Variants in IRAG2 observed in about 807,000 individuals in gnomAD.
The protein encoded by IRAG2 is inositol 1,4,5-triphosphate receptor associated 2, also known as lymphoid restricted membrane protein.
In IRAG2, 45 loss-of-function variants were observed where a neutral mutation model predicts 69.9. The ratio of observed to expected loss-of-function variants is 0.64; its 90% confidence interval spans 0.51 to 0.83. The LOEUF is 0.83. Among genes scored for constraint, IRAG2 ranks in the 40% least tolerant of loss-of-function variants. The pLI, the probability that IRAG2 is intolerant of heterozygous loss-of-function variation, is 0.00. For missense variants in IRAG2, 520 were observed against 587.0 expected, an observed-to-expected ratio of 0.89 and a Z score of 1.18; for synonymous variants, 193 against 202.4, an observed-to-expected ratio of 0.95 and a Z score of 0.40.
At chr12:25,099,014 T>A (rs1178457349) in intron 15 of IRAG2, among the ~76,000 whole-genome samples, 1 of 152,178 alleles carries the variant, frequency 6.6e-6, no homozygotes, top group Non-Finnish European at 1.5e-5. Flanking sequence ...CCTTCTAGGC[T>A]TCCTGCAGTT....
At chr12:25,072,077 C>T (rs961757386) in intron 6 of IRAG2, among the ~76,000 whole-genome samples, 2 of 151,946 alleles carry the variant, frequency 1.3e-5, no homozygotes, top group African/African-American at 4.8e-5. Context: ...TGGTGGCAGG[C>T]GCCTGTAAAA....
exon 3 of IRAG2, chr12:25,011,530 T>A (rs1944474941): frequency 8.1e-7 from 1 of 1,231,576 alleles, no homozygotes; most frequent in Non-Finnish European, 1.0e-6. Context: ...AAAGACTGGA[T>A]GGCTTACTGT....
upstream of IRAG2, among the ~76,000 whole-genome samples, chr12:24,999,749 A>G (rs1208902330): frequency 1.3e-5 from 2 of 151,938 alleles, no homozygotes; most frequent in South Asian, 2.1e-4. Context: ...ATAATTTCCT[A>G]TTATAGGTTC....
chr12:25,009,433 G>A (rs1014367353), intron 2 of IRAG2, among the ~76,000 whole-genome samples: 2 of 152,208 alleles, frequency 1.3e-5, no homozygotes, highest in Non-Finnish European at 2.9e-5. Context: ...TTCCCAGAGA[G>A]CTTCTCTGCT....
At chr12:25,054,109 C>A (rs1945061990) in intron 1 of IRAG2, among the ~76,000 whole-genome samples, 1 of 152,114 alleles carries the variant, frequency 6.6e-6, no homozygotes, top group Admixed American at 6.5e-5. Flanking sequence ...ATTAAAATAG[C>A]AGTGGTTATT....
intron 2 of IRAG2, among the ~76,000 whole-genome samples, chr12:25,007,727 G>A (rs1157217338): frequency 2.6e-5 from 4 of 152,154 alleles, no homozygotes; most frequent in Non-Finnish European, 4.4e-5. Flanking sequence ...TCACCATGTT[G>A]GCCAGGCTAG....
At chr12:25,107,436 AGGG>A (rs1302738041) in intron 21 of IRAG2, among the ~76,000 whole-genome samples, 1 of 152,158 alleles carries the variant, frequency 6.6e-6, no homozygotes, top group African/African-American at 2.4e-5. Flanking sequence ...ACAAGAATAA[AGGG>A]GGACTACTGT....
rs1411627815 is a variant in IRAG2 at position 25,072,304 on chromosome 12, TTTTC to T, written c.24+2876_24+2879del. Reference sequence around the variant, plus strand: ...CATGCTCCTGTAAGTTCCCTGAAGATTTTCTTGTGTCTTCTGTAGTTTGCAACAG... The same window carrying T: ...CATGCTCCTGTAAGTTCCCTGAAGATTTGTGTCTTCTGTAGTTTGCAACAG... On this transcript the variant is annotated intron_variant, in intron 6 of 21. Transcript: ENST00000556887. Among the ~76,000 whole-genome samples the T allele has an allele frequency of 3.6e-4, 55 of 152,300 alleles. 2 individuals carry two copies. The highest frequency in any genetic ancestry group is 1.2e-3 in the African/African-American group (51 of 41,568).
In IRAG2 at chr12:25,108,210, T is replaced by TATCTC. The variant is rs1949354044; in HGVS notation, c.*151_*155dup. 2 of 829,400 alleles carry TATCTC rather than the reference T, an allele frequency of 2.4e-6. No individual in the cohort carries two copies. 51.4% of individuals were successfully genotyped at this position (829,400 alleles called of 1,614,324 possible). ...AGCTTACATTTCCTCTTTTTGCCTT[T>TATCTC]ATCTCCCCAACTAAAATACAATGGG... On this transcript the variant is annotated 3_prime_UTR_variant, in exon 22 of 22. Transcript: ENST00000556887.
rs1949318868 is a variant in IRAG2 at position 25,107,901 on chromosome 12, C to T, written c.1341C>T (p.Phe447=). 2 of 1,614,094 alleles carry T rather than the reference C, an allele frequency of 1.2e-6. No individual in the cohort carries two copies. Residue 447 remains phenylalanine, a synonymous_variant, in exon 22 of 22, where the codon TTC becomes TTT. Transcript: ENST00000556887. ...ANKALWLSIA[F]IVLFAALMSF... The stretch of plus-strand genomic sequence containing the variant: ...AGGCCCTCTGGCTCTCTATTGCATT[C>T]ATTGTACTGTTTGCAGCTTTGATGA...
chr12:25,101,675 G>A (rs1043739859), intron 16 of IRAG2, among the ~76,000 whole-genome samples: 5 of 152,192 alleles, frequency 3.3e-5, no homozygotes, highest in South Asian at 2.1e-4. Context: ...TTAAATGGGC[G>A]CTGCCATCAG....
chr12:25,066,549 A>T (rs1945993257), intron 5 of IRAG2, 37 bp downstream of exon 5: 1 of 400,470 alleles, frequency 2.5e-6, no homozygotes, highest in Non-Finnish European at 4.4e-6. Flanking sequence ...TCTACTCCTC[A>T]TGGGTGGCCC....
chr12:25,077,872 C>T (rs1428331459), intron 6 of IRAG2, among the ~76,000 whole-genome samples: 1 of 152,090 alleles, frequency 6.6e-6, no homozygotes. Flanking sequence ...AGGTATAAAT[C>T]CTCGCTTTGC....
intron 7 of IRAG2, among the ~76,000 whole-genome samples, chr12:25,022,265 G>A (rs1433226300): frequency 2.6e-5 from 4 of 152,220 alleles, no homozygotes; most frequent in East Asian, 3.9e-4. Flanking sequence ...AGGCTGAGGC[G>A]GGTGGGTCAC....
At chr12:25,033,222 T>G (rs901965100) in intron 12 of IRAG2, among the ~76,000 whole-genome samples, 2 of 152,180 alleles carry the variant, frequency 1.3e-5, no homozygotes, top group Non-Finnish European at 2.9e-5. Flanking sequence ...CTCAAAGTGC[T>G]GGGATTACAG....
chr12:25,098,792 C>T (rs1316907475), intron 15 of IRAG2, among the ~76,000 whole-genome samples: 1 of 152,138 alleles, frequency 6.6e-6, no homozygotes, highest in Non-Finnish European at 1.5e-5. Context: ...GTTCAGTCTC[C>T]CTCCTCCCAC....
chr12:25,032,352 G>A (rs1013469500), exon 12 of IRAG2: 2 of 398,914 alleles, frequency 5.0e-6, no homozygotes, highest in African/African-American at 2.1e-5. Flanking sequence ...TACAGCACTT[G>A]CAACAGGCAC....
At chr12:25,014,805 C>A (rs1102642) in intron 3 of IRAG2, among the ~76,000 whole-genome samples, 1 of 151,566 alleles carries the variant, frequency 6.6e-6, no homozygotes, top group Non-Finnish European at 1.5e-5. Context: ...TCTCCACTTA[C>A]CAGTCCAACC....
At position 25,082,302 on chromosome 12, in the gene IRAG2, T is replaced by A. The variant is rs534462458; in HGVS notation, c.245-1121T>A. Among the ~76,000 whole-genome samples, 3 of 152,182 alleles carry A rather than the reference T, an allele frequency of 2.0e-5. No homozygotes were observed. In the South Asian group the frequency reaches 6.2e-4, roughly 32 times the overall value. ...ATCTACTACTTGTCCTAAAATTTTT[T>A]AAAAACTAAAGTAAGGGCTAGGCAC... is the stretch of plus-strand genomic sequence containing the variant. On this transcript the variant is annotated intron_variant, in intron 9 of 21. Transcript: ENST00000556887.
Sources: allele counts gnomAD v4.1 joint callset (sites outside exome capture counted in the v4.1 genomes callset), GRCh38; gene constraint gnomAD v4.1.1; transcripts MANE v1.5; gene names NCBI Gene and HGNC (gene_info 2026-07-23, HGNC 2026-07-21).